The following COBL variants were observed in gnomAD, a reference collection of about 807,000 sequenced individuals.
COBL encodes protein cordon-bleu.
COBL carries 51 observed loss-of-function variants against 98.8 expected under a neutral mutation model. The ratio of observed to expected loss-of-function variants is 0.52; its 90% CI spans 0.41 to 0.65. COBL has a LOEUF of 0.65. Among genes scored for constraint, COBL ranks in the 30% least tolerant of loss-of-function variants. COBL has a pLI of 0.00. For synonymous variants in COBL, 634 were observed against 651.7 expected (o/e 0.97, Z 0.41); for missense variants, 1,617 against 1,617.5 (o/e 1.00, Z 0.01).
chr7:51,209,046 T>TA (rs572689062), intron 2 of COBL, among the ~76,000 whole-genome samples: 11,291 of 43,130 alleles, frequency 0.26, 1,424 homozygotes, highest in Middle Eastern at 0.37. Context: ...AATGATCAAT[T>TA]AAAAAAAAAA....
chr7:51,299,299 T>C (rs1320181689), intron 1 of COBL, among the ~76,000 whole-genome samples: 2 of 152,238 alleles, frequency 1.3e-5, no homozygotes, highest in Non-Finnish European at 2.9e-5. Context: ...CAGCACTGGC[T>C]GTTTAGAAAG....
At position 51,029,189 on chromosome 7, in the gene COBL, G is replaced by C; in HGVS notation, c.1907C>G (p.Ser636Trp). 1 of 1,614,134 alleles carries C rather than the reference G, an allele frequency of 6.2e-7. No homozygotes were observed. Among genetic ancestry groups the C allele is most frequent in the Non-Finnish European group, 8.5e-7 (1 of 1,180,024 alleles). ...ATTTAGGTTGTCTGTGTGAAGATTCGAAGCAAAAGAAGTCACCCTGGGCGC... is the reference window on the plus strand; with the variant it reads ...ATTTAGGTTGTCTGTGTGAAGATTCCAAGCAAAAGAAGTCACCCTGGGCGC... The part of the protein sequence containing the change: ...ETAPRVTSFA[S>W]NLHTDNLNAK... The change falls in exon 10 of 13, where the codon TCG (serine) becomes TGG (tryptophan). Residue 636 changes from serine to tryptophan, a missense_variant. By Grantham distance (177) the Ser-to-Trp change is radical. Coordinates refer to ENST00000265136, the MANE Select transcript of COBL (RefSeq NM_015198.5).
rs1378183877 is a variant in COBL, at chr7:51,267,173, G to A, written c.42-47229C>T. Among the ~76,000 whole-genome samples the A allele has an allele frequency of 2.6e-5, 4 of 152,136 alleles. No individual in the cohort carries two copies. The East Asian group carries it at 7.7e-4, about 29-fold the overall frequency. Reference sequence around the variant, plus strand: ...GTATCTCATTTACTTTGATTTTTCAGTAAATAAAAATCTGAAACCCTTGTT... The same window carrying A: ...GTATCTCATTTACTTTGATTTTTCAATAAATAAAAATCTGAAACCCTTGTT... On this transcript the variant is annotated intron_variant, in intron 1 of 12. Coordinates refer to ENST00000265136, the MANE Select transcript of COBL (RefSeq NM_015198.5).
chr7:51,199,403 C>A (rs1389260071), intron 2 of COBL, among the ~76,000 whole-genome samples: 1 of 152,178 alleles, frequency 6.6e-6, no homozygotes, highest in Non-Finnish European at 1.5e-5. Context: ...CACACGTTTA[C>A]ATGGACCACA....
intron 7 of COBL, among the ~76,000 whole-genome samples, chr7:51,060,052 G>C (rs909444681): frequency 6.6e-6 from 1 of 152,090 alleles, no homozygotes; most frequent in Non-Finnish European, 1.5e-5. Context: ...GCCTCCATGA[G>C]TCGATCTGAT....
At chr7:51,238,090 T>A (rs1795439886) in intron 1 of COBL, among the ~76,000 whole-genome samples, 1 of 152,248 alleles carries the variant, frequency 6.6e-6, no homozygotes, top group Non-Finnish European at 1.5e-5. Context: ...GCCACCATGC[T>A]GACAGCCAGC....
intron 6 of COBL, among the ~76,000 whole-genome samples, chr7:51,090,665 C>T (rs1216336042): frequency 6.6e-6 from 1 of 152,224 alleles, no homozygotes; most frequent in Non-Finnish European, 1.5e-5. Flanking sequence ...GCCAGCACAG[C>T]TCAGTGCAAT....
At chr7:51,193,982 C>T (rs1790365355) in intron 2 of COBL, among the ~76,000 whole-genome samples, 1 of 152,088 alleles carries the variant, frequency 6.6e-6, no homozygotes, top group African/African-American at 2.4e-5. Flanking sequence ...TTCAGGGGTA[C>T]ATGTGCAGGT....
intron 6 of COBL, among the ~76,000 whole-genome samples, chr7:51,091,894 G>A (rs1449807631): frequency 4.0e-5 from 6 of 151,620 alleles, no homozygotes; most frequent in Non-Finnish European, 8.8e-5. Context: ...TAAAAACGGA[G>A]AAAAAAAACG....
chr7:51,076,828 T>A (rs1793123701), intron 7 of COBL, among the ~76,000 whole-genome samples: 1 of 152,188 alleles, frequency 6.6e-6, no homozygotes. Context: ...AAGCCTGGTG[T>A]AGAAAAATGT....
chr7:51,155,589 CAAAAAAAAAAAAAA>C (rs58500324), intron 5 of COBL, among the ~76,000 whole-genome samples: 7 of 30,792 alleles, frequency 2.3e-4, no homozygotes, highest in East Asian at 1.5e-3. Flanking sequence ...GACTCCATCT[CAAAAAAAAAAAAAA>C]AAAAAAAAAA....
At chr7:51,175,538 C>T (rs996166929) in intron 5 of COBL, among the ~76,000 whole-genome samples, 4 of 152,232 alleles carry the variant, frequency 2.6e-5, no homozygotes, top group African/African-American at 9.6e-5. Flanking sequence ...AGGTTTGATA[C>T]ATCGTTAATG....
chr7:51,022,009 C>G (rs1026823066), intron 12 of COBL, among the ~76,000 whole-genome samples: 1 of 152,116 alleles, frequency 6.6e-6, no homozygotes. Flanking sequence ...GAGGGCAGGT[C>G]GATCACCCAA....
intron 6 of COBL, among the ~76,000 whole-genome samples, chr7:51,127,035 G>A (rs182538456): frequency 4.6e-5 from 7 of 152,260 alleles, no homozygotes; most frequent in Admixed American, 3.3e-4. Flanking sequence ...AACAAGTCAC[G>A]GTCCCAAGCT....
At chr7:51,179,088 T>C (rs918855729) in intron 5 of COBL, among the ~76,000 whole-genome samples, 8 of 152,240 alleles carry the variant, frequency 5.3e-5, no homozygotes, top group South Asian at 2.1e-4. Flanking sequence ...CTTTCTCACA[T>C]TGAACTAACT....
intron 1 of COBL, among the ~76,000 whole-genome samples, chr7:51,292,568 G>A (rs955791439): frequency 5.3e-5 from 8 of 152,246 alleles, no homozygotes; most frequent in African/African-American, 1.9e-4. Context: ...GACGCAAAAG[G>A]CATTCTTGTG....
chr7:51,109,194 T>C (rs979497874), intron 6 of COBL, among the ~76,000 whole-genome samples: 1 of 152,158 alleles, frequency 6.6e-6, no homozygotes, highest in Admixed American at 6.5e-5. Flanking sequence ...ATCCTGGGCA[T>C]GGTGCTCCGC....
intron 1 of COBL, among the ~76,000 whole-genome samples, chr7:51,233,926 A>C (rs1225150797): frequency 2.0e-5 from 3 of 152,242 alleles, no homozygotes; most frequent in Admixed American, 6.5e-5. Context: ...ATCACCTTAC[A>C]ATCTTATTTC....
At chr7:51,218,688 C>G (rs930275322) in intron 2 of COBL, among the ~76,000 whole-genome samples, 1 of 152,096 alleles carries the variant, frequency 6.6e-6, no homozygotes, top group South Asian at 2.1e-4. Flanking sequence ...TTTGGCCAGG[C>G]TGGTCTCATA....
Sources: gnomAD v4.1 joint callset for allele counts (sites outside exome capture counted in the v4.1 genomes callset) on GRCh38, gnomAD v4.1.1 for gene constraint, MANE v1.5 for transcripts, NCBI Gene and HGNC (gene_info 2026-07-23, HGNC 2026-07-21) for gene names.